Variants in PTK2B observed in about 807,000 individuals in gnomAD.
PTK2B encodes the protein protein-tyrosine kinase 2-beta.
A neutral mutation model predicts 142.9 loss-of-function variants in PTK2B; 71 were observed. That is an observed-to-expected ratio of 0.50 (90% CI 0.41 to 0.61). The LOEUF (loss-of-function observed/expected upper bound fraction) is 0.61. Ranked by LOEUF, PTK2B falls within the 20% of genes least tolerant of loss-of-function variation. The probability of loss-of-function intolerance (pLI) is 0.00; values close to 1 mark genes in which losing one functional copy is unlikely to be tolerated. For synonymous variants in PTK2B, 519 were observed against 503.4 expected (o/e 1.03, Z -0.42); for missense variants, 1,105 against 1,320.4 (o/e 0.84, Z 2.53).
upstream of PTK2B, among the ~76,000 whole-genome samples, chr8:27,324,873 A>G (rs1433668638): frequency 6.6e-6 from 1 of 152,182 alleles, no homozygotes; most frequent in Non-Finnish European, 1.5e-5. Flanking sequence ...AGTGCCCTTG[A>G]GTGCCTGCTC....
At chr8:27,448,894 A>G (rs1811638625) in intron 24 of PTK2B, among the ~76,000 whole-genome samples, 1 of 152,220 alleles carries the variant, frequency 6.6e-6, no homozygotes, top group Non-Finnish European at 1.5e-5. Flanking sequence ...ATTTTTATCA[A>G]TTCCATGATT....
chr8:27,314,834 T>C (rs1305951114), intron 3 of PTK2B, among the ~76,000 whole-genome samples: 1 of 152,184 alleles, frequency 6.6e-6, no homozygotes, highest in Non-Finnish European at 1.5e-5. Flanking sequence ...CCAGCTACTC[T>C]GGAGGCTGAG....
chr8:27,383,573 C>T lies in PTK2B; in HGVS notation c.-37-13975C>T, dbSNP rs377379740. ...CGCGCCTGGCCTCCTCTGTTTCTTTCATCAGTGTTTTATAGTTTCCATCAT... is the reference window on the plus strand; with the variant it reads ...CGCGCCTGGCCTCCTCTGTTTCTTTTATCAGTGTTTTATAGTTTCCATCAT... On this transcript the variant is annotated intron_variant, in intron 1 of 30. Transcript: ENST00000346049. Among the ~76,000 whole-genome samples the T allele has an allele frequency of 9.9e-4, 151 of 152,090 alleles. 1 individual carries two copies. Among genetic ancestry groups the T allele is most frequent in the African/African-American group, 3.4e-3 (140 of 41,498 alleles).
intron 1 of PTK2B, among the ~76,000 whole-genome samples, chr8:27,357,510 C>T (rs560745805): frequency 2.9e-4 from 44 of 152,366 alleles, no homozygotes; most frequent in Non-Finnish European, 5.3e-4. Context: ...CACCCCGTGC[C>T]TGCCATCTCC....
chr8:27,408,126 C>G (rs1354880871), intron 2 of PTK2B, among the ~76,000 whole-genome samples: 5 of 152,190 alleles, frequency 3.3e-5, no homozygotes. Flanking sequence ...CCCCCTGTCT[C>G]TCAGCCCCAC....
At chr8:27,314,269 C>T (rs1803045280) in intron 3 of PTK2B, among the ~76,000 whole-genome samples, 1 of 152,224 alleles carries the variant, frequency 6.6e-6, no homozygotes, top group African/African-American at 2.4e-5. Context: ...TCCCATGTCA[C>T]ATAAAACTAT....
intron 1 of PTK2B, among the ~76,000 whole-genome samples, chr8:27,383,104 GTC>G (rs142562744): frequency 0.012 from 1,770 of 152,238 alleles, 35 homozygotes; most frequent in African/African-American, 0.04. Flanking sequence ...AATATCATTG[GTC>G]TTTTGATGGG....
At chr8:27,422,250 A>C in intron 4 of PTK2B, 54 bp from the exon 5 acceptor site, 2 of 1,549,478 alleles carry the variant, frequency 1.3e-6, no homozygotes, top group South Asian at 1.2e-5. Context: ...GCCTCTGTGC[A>C]GGGAAGTGGG....
chr8:27,439,012 C>T lies in PTK2B; in HGVS notation c.1644-19C>T. 6.2e-7 allele frequency: 1 copy of T among 1,602,494 alleles called. No homozygotes were observed. Among genetic ancestry groups the T allele is most frequent in the Non-Finnish European group, 8.6e-7 (1 of 1,169,478 alleles). ...GGGGTGGGCAGTGCCTCATCCTGGT[C>T]TTGATGCCCTTCTTCCAGGGACATT... On this transcript the variant is annotated intron_variant, in intron 18 of 30. Coordinates refer to ENST00000346049, the MANE Select transcript of PTK2B (RefSeq NM_173176.3).
intron 1 of PTK2B, chr8:27,396,210 T>C (rs1808041595): frequency 6.6e-6 from 1 of 152,224 alleles, no homozygotes; most frequent in African/African-American, 2.4e-5. Flanking sequence ...AAAAAAGGAA[T>C]GGCTCTTTGA....
chr8:27,373,123 T>C (rs1806461218), intron 1 of PTK2B, among the ~76,000 whole-genome samples: 1 of 152,084 alleles, frequency 6.6e-6, no homozygotes, highest in Non-Finnish European at 1.5e-5. Context: ...CTCATGCAAG[T>C]TACCACTGCT....
chr8:27,395,738 T>A (rs1457447094), intron 1 of PTK2B, among the ~76,000 whole-genome samples: 1 of 152,202 alleles, frequency 6.6e-6, no homozygotes, highest in Non-Finnish European at 1.5e-5. Flanking sequence ...CCAGTAGGAT[T>A]AAACTGTGGT....
chr8:27,396,948 A>G (rs1002701547), intron 1 of PTK2B, among the ~76,000 whole-genome samples: 6 of 152,096 alleles, frequency 3.9e-5, no homozygotes, highest in African/African-American at 1.4e-4. Context: ...CTATGTGATG[A>G]GCTCCTGTCA....
At chr8:27,380,173 G>A (rs751027541) in intron 1 of PTK2B, among the ~76,000 whole-genome samples, 35 of 152,060 alleles carry the variant, frequency 2.3e-4, no homozygotes, top group Admixed American at 7.2e-4. Context: ...GGAGACTCTC[G>A]GGGTCACGTC....
At chr8:27,369,404 T>G (rs539174633) in intron 1 of PTK2B, among the ~76,000 whole-genome samples, 2 of 152,218 alleles carry the variant, frequency 1.3e-5, no homozygotes, top group South Asian at 2.1e-4. Flanking sequence ...GTGTGGTGAC[T>G]CACGCCTATA....
At chr8:27,381,449 G>T (rs1300418667) in intron 1 of PTK2B, among the ~76,000 whole-genome samples, 4 of 152,084 alleles carry the variant, frequency 2.6e-5, no homozygotes, top group Non-Finnish European at 4.4e-5. Flanking sequence ...CTCTTTCTGT[G>T]CCTGACTTAT....
At chr8:27,446,604 A>G (rs562893919) in intron 24 of PTK2B, among the ~76,000 whole-genome samples, 1 of 152,280 alleles carries the variant, frequency 6.6e-6, no homozygotes, top group East Asian at 1.9e-4. Context: ...ACCTTCTTCC[A>G]TACAAATGGC....
chr8:27,449,149 A>G (rs762607151), intron 24 of PTK2B, among the ~76,000 whole-genome samples: 1 of 152,242 alleles, frequency 6.6e-6, no homozygotes, highest in Admixed American at 6.5e-5. Context: ...AGTAGTGCTG[A>G]GGTTGAGGAG....
chr8:27,402,773 T>C (rs1441907707), intron 2 of PTK2B, among the ~76,000 whole-genome samples: 3 of 152,202 alleles, frequency 2.0e-5, no homozygotes, highest in African/African-American at 7.2e-5. Flanking sequence ...CAGGTCACCA[T>C]CATCATCTCC....
Sources: allele counts gnomAD v4.1 joint callset (sites outside exome capture counted in the v4.1 genomes callset), GRCh38; gene constraint gnomAD v4.1.1; transcripts MANE v1.5; gene names NCBI Gene and HGNC (gene_info 2026-07-23, HGNC 2026-07-21).